The following SCARA3 variants were observed in gnomAD, a reference collection of about 807,000 sequenced individuals.
SCARA3 encodes the protein cellular stress response gene protein.
Under a neutral mutation model 47.0 loss-of-function variants are expected in SCARA3, and 39 were observed. The ratio of observed to expected loss-of-function variants is 0.83; its 90% confidence interval spans 0.64 to 1.08. SCARA3 has a LOEUF of 1.08. Ranked by LOEUF, SCARA3 falls within the 50% of genes least tolerant of loss-of-function variation. The pLI is 0.00. For missense variants in SCARA3, 724 were observed against 792.3 expected, an observed-to-expected ratio of 0.91 and a Z score of 1.04; for synonymous variants, 356 against 334.1, an observed-to-expected ratio of 1.07 and a Z score of -0.71.
chr8:27,709,879 G>A, the SCARA3 span, among the ~76,000 whole-genome samples: 1 of 152,208 alleles, frequency 6.6e-6, no homozygotes, highest in East Asian at 1.9e-4. Context: ...AGTGACCCAG[G>A]CAGTTCTGCC....
At chr8:27,698,173 G>A in the SCARA3 span, among the ~76,000 whole-genome samples, 10 of 152,294 alleles carry the variant, frequency 6.6e-5, no homozygotes, top group African/African-American at 1.9e-4. Flanking sequence ...TTGCTAAAGG[G>A]TATTCTTTAT....
At chr8:27,728,509 G>A in the SCARA3 span, among the ~76,000 whole-genome samples, 2 of 152,128 alleles carry the variant, frequency 1.3e-5, no homozygotes, top group Non-Finnish European at 2.9e-5. Flanking sequence ...AGGATCCAGC[G>A]GCTAATCCTC....
the SCARA3 span, among the ~76,000 whole-genome samples, chr8:27,711,716 T>C: frequency 1.4e-3 from 206 of 152,108 alleles, 4 homozygotes; most frequent in East Asian, 0.037. Flanking sequence ...TAACAAAAAC[T>C]TATCATAATT....
chr8:27,642,409 C>T (rs990873398), intron 1 of SCARA3, among the ~76,000 whole-genome samples: 6 of 152,160 alleles, frequency 3.9e-5, no homozygotes, highest in Non-Finnish European at 5.9e-5. Context: ...CTCATTGAAG[C>T]GGACGATCTC....
chr8:27,733,579 T>C, the SCARA3 span: 2 of 152,146 alleles, frequency 1.3e-5, no homozygotes, highest in East Asian at 3.9e-4. Flanking sequence ...AAAGCTGAAA[T>C]TTAGCTTGGA....
chr8:27,647,321 T>C (rs1235785109), intron 1 of SCARA3, among the ~76,000 whole-genome samples: 1 of 152,164 alleles, frequency 6.6e-6, no homozygotes, highest in Non-Finnish European at 1.5e-5. Context: ...CTCAGACTAG[T>C]TGTAGGGATC....
At position 27,672,797 on chromosome 8, in the gene SCARA3, C is replaced by A. The variant is rs1325242840; in HGVS notation, c.*1446C>A. 2 of 985,512 alleles carry A rather than the reference C, an allele frequency of 2.0e-6. No homozygotes were observed. The highest frequency in any genetic ancestry group is 2.4e-6 in the Non-Finnish European group (2 of 830,114). 61.0% of individuals were successfully genotyped at this position (985,512 alleles called of 1,614,324 possible). A position where few individuals can be genotyped will look rare whatever the true frequency, so the allele number is the denominator to read the frequency against. ...ATGTTCAAACAGATTCAGGCACCAC[C>A]CCCTCCACCGCCCGCAAGGTTAGGG... On this transcript the variant is annotated 3_prime_UTR_variant, in exon 6 of 6. Transcript: ENST00000301904.
the SCARA3 span, among the ~76,000 whole-genome samples, chr8:27,707,821 CAAAAA>C: frequency 7.0e-6 from 1 of 142,474 alleles, no homozygotes; most frequent in African/African-American, 2.6e-5. Flanking sequence ...GAAAAACTTC[CAAAAA>C]AAAAAAAATA....
chr8:27,732,185 T>C, the SCARA3 span, among the ~76,000 whole-genome samples: 1 of 152,160 alleles, frequency 6.6e-6, no homozygotes, highest in Non-Finnish European at 1.5e-5. Context: ...GGTTACAAGA[T>C]GGGATTGATG....
Position 27,672,111 on chromosome 8 carries a change from G to T in SCARA3, c.*760G>T. The T allele has an allele frequency of 2.0e-6, 2 of 985,468 alleles. No individual in the cohort carries two copies. Among genetic ancestry groups the T allele is most frequent in the Non-Finnish European group, 2.4e-6 (2 of 829,948 alleles). The allele number at this position is 985,468 out of a possible 1,614,324, so 61.0% of individuals were successfully genotyped here. A position where few individuals can be genotyped will look rare whatever the true frequency, so the allele number is the denominator to read the frequency against. On this transcript the variant is annotated 3_prime_UTR_variant, in exon 6 of 6. Coordinates refer to ENST00000301904, the MANE Select transcript of SCARA3 (RefSeq NM_016240.3). Reference sequence around the variant, plus strand: ...AACCACAAGACCCTCCCCATAAGCAGGGGACCAGCATACCCGGGAGCTGTC... The same window carrying T: ...AACCACAAGACCCTCCCCATAAGCATGGGACCAGCATACCCGGGAGCTGTC...
chr8:27,718,222 C>G, the SCARA3 span, among the ~76,000 whole-genome samples: 1 of 152,272 alleles, frequency 6.6e-6, no homozygotes, highest in South Asian at 2.1e-4. Flanking sequence ...ATTGCCCCCT[C>G]CTCTGTGCTC....
rs890983100 is a variant in SCARA3, at chr8:27,640,350, A to G, written c.7+6143A>G. Among the ~76,000 whole-genome samples the G allele has an allele frequency of 2.0e-5, 3 of 152,280 alleles. No homozygotes were observed. In the Middle Eastern group the frequency reaches 0.01, roughly 518 times the overall value. Reference sequence around the variant, plus strand: ...GTGTATGTTTGCACAGATTTTTTTCATGTAGATAAGATTACACTATCCATG... The same window carrying G: ...GTGTATGTTTGCACAGATTTTTTTCGTGTAGATAAGATTACACTATCCATG... On this transcript the variant is annotated intron_variant, in intron 1 of 5. Transcript: ENST00000301904.
the SCARA3 span, among the ~76,000 whole-genome samples, chr8:27,691,360 T>C: frequency 6.6e-6 from 1 of 152,172 alleles, no homozygotes; most frequent in African/African-American, 2.4e-5. Flanking sequence ...GAGAGATTCT[T>C]ACTTCCTTTT....
At chr8:27,667,069 ACTAGCCCTTCT>A (rs1198619672) in intron 5 of SCARA3, among the ~76,000 whole-genome samples, 2 of 152,242 alleles carry the variant, frequency 1.3e-5, no homozygotes, top group South Asian at 2.1e-4. Flanking sequence ...CAGAGCAGCC[ACTAGCCCTTCT>A]CTAGCCCTTC....
intron 1 of SCARA3, among the ~76,000 whole-genome samples, chr8:27,641,541 GA>G (rs1387573424): frequency 9.9e-5 from 15 of 152,200 alleles, no homozygotes; most frequent in African/African-American, 3.6e-4. Context: ...AGTGCAATTC[GA>G]AGAAAGCAGG....
the SCARA3 span, among the ~76,000 whole-genome samples, chr8:27,724,971 A>G: frequency 2.0e-5 from 3 of 152,204 alleles, no homozygotes; most frequent in African/African-American, 4.8e-5. Flanking sequence ...AAAACATTAC[A>G]ATAAGATTCC....
chr8:27,649,211 C>T (rs1414547017), intron 1 of SCARA3, among the ~76,000 whole-genome samples: 1 of 152,158 alleles, frequency 6.6e-6, no homozygotes, highest in Non-Finnish European at 1.5e-5. Context: ...CAGGGATCTG[C>T]GCCCATCCTG....
At chr8:27,651,310 C>T (rs953841211) in intron 2 of SCARA3, among the ~76,000 whole-genome samples, 198 bp from the exon 3 acceptor site, 3 of 152,206 alleles carry the variant, frequency 2.0e-5, no homozygotes, top group African/African-American at 4.8e-5. Flanking sequence ...AGTCCTGACT[C>T]GGTCTCCTGC....
chr8:27,720,193 C>T, the SCARA3 span, among the ~76,000 whole-genome samples: 1 of 152,058 alleles, frequency 6.6e-6, no homozygotes, highest in Non-Finnish European at 1.5e-5. Context: ...ATACCTCACC[C>T]TCTCTGGCAA....
Sources: allele counts gnomAD v4.1 joint callset (sites outside exome capture counted in the v4.1 genomes callset), GRCh38; gene constraint gnomAD v4.1.1; transcripts MANE v1.5; gene names NCBI Gene and HGNC (gene_info 2026-07-23, HGNC 2026-07-21).